The following RBM28 variants were observed in gnomAD, a reference collection of about 807,000 sequenced individuals.
The protein encoded by RBM28 is RNA binding motif protein 28, also known as RNA-binding protein 28.
Under a neutral mutation model 98.3 loss-of-function variants are expected in RBM28, and 78 were observed. That is an observed-to-expected ratio of 0.79 (90% confidence interval 0.66 to 0.96). RBM28 has a LOEUF of 0.96. Among genes scored for constraint, RBM28 ranks in the 40% least tolerant of loss-of-function variants. The pLI, the probability that RBM28 is intolerant of heterozygous loss-of-function variation, is 0.00. For missense variants in RBM28, 838 were observed against 913.0 expected (o/e 0.92, Z 1.06); for synonymous variants, 306 against 330.9 (o/e 0.92, Z 0.82).
chr7:128,338,612 G>A, intron 4 of RBM28, 114 bp downstream of exon 4: 1 of 837,418 alleles, frequency 1.2e-6, no homozygotes, highest in Non-Finnish European at 2.0e-6. Flanking sequence ...CCATTATTTG[G>A]GTTTTCATTA....
At chr7:128,313,109 G>C in intron 18 of RBM28, 66 bp downstream of exon 18, 1 of 1,503,128 alleles carries the variant, frequency 6.7e-7, no homozygotes, top group Non-Finnish European at 9.3e-7. Flanking sequence ...ACTAACCAAG[G>C]TACAAACATG....
intron 9 of RBM28, among the ~76,000 whole-genome samples, chr7:128,332,614 G>A (rs959479494): frequency 2.6e-5 from 4 of 152,042 alleles, no homozygotes; most frequent in Non-Finnish European, 4.4e-5. Context: ...AGCCTCCCAC[G>A]GTGCTGAGAT....
intron 13 of RBM28, 151 bp from the exon 14 acceptor site, chr7:128,321,575 C>G: frequency 3.2e-6 from 3 of 945,596 alleles, no homozygotes; most frequent in Non-Finnish European, 4.9e-6. Flanking sequence ...TTTACAATGC[C>G]TAGTATAGGG....
At chr7:128,317,802 C>A in intron 15 of RBM28, 69 bp from the exon 16 acceptor site, 1 of 1,484,826 alleles carries the variant, frequency 6.7e-7, no homozygotes. Context: ...CTGAGTTTTT[C>A]CCCTTCACAC....
intron 10 of RBM28, among the ~76,000 whole-genome samples, chr7:128,329,888 C>CAAAAAAAAAAAAAAA (rs398006204): frequency 9.8e-6 from 1 of 101,620 alleles, no homozygotes; most frequent in African/African-American, 4.2e-5. Context: ...GACTCCGTCT[C>CAAAAAAAAAAAAAAA]AAAAAAAAAA....
rs1219840838 is a variant in RBM28, at chr7:128,305,383, G to C, written c.*5414C>G. The stretch of plus-strand genomic sequence containing the variant: ...CATTGGAGTCTCTTTCAGTTGAAAA[G>C]TGCATGCAGACAATTGAGTGTCAGA... On this transcript the variant is annotated 3_prime_UTR_variant, in exon 19 of 19. Coordinates refer to ENST00000223073, the MANE Select transcript of RBM28 (RefSeq NM_018077.3). 6.6e-6 allele frequency: 1 copy of C among 152,236 alleles called. No individual in the cohort carries two copies. The highest frequency in any genetic ancestry group is 1.5e-5 in the Non-Finnish European group (1 of 68,082). The allele number at this position is 152,236 out of a possible 1,614,324, so 9.4% of individuals were successfully genotyped here. A position where few individuals can be genotyped will look rare whatever the true frequency, so the allele number is the denominator to read the frequency against.
At chr7:128,323,304 A>G (rs1796275901) in intron 13 of RBM28, among the ~76,000 whole-genome samples, 2 of 152,234 alleles carry the variant, frequency 1.3e-5, no homozygotes, top group Admixed American at 6.5e-5. Flanking sequence ...GAAACAAATA[A>G]TAAGACACAG....
At chr7:128,313,313 T>A in intron 17 of RBM28, 39 bp from the exon 18 acceptor site, 1 of 1,578,350 alleles carries the variant, frequency 6.3e-7, no homozygotes. Context: ...GAGTCCTTCT[T>A]CTAATTTGAC....
At chr7:128,320,769 T>C (rs1406350482) in intron 14 of RBM28, among the ~76,000 whole-genome samples, 3 of 152,268 alleles carry the variant, frequency 2.0e-5, no homozygotes, top group African/African-American at 7.2e-5. Flanking sequence ...CCTTGCATTC[T>C]GCTGTAATTC....
chr7:128,318,160 G>T, intron 14 of RBM28, 54 bp from the exon 15 acceptor site: 1 of 1,513,446 alleles, frequency 6.6e-7, no homozygotes, highest in Non-Finnish European at 9.1e-7. Flanking sequence ...AGACTTGCCT[G>T]ACATGAACTG....
chr7:128,323,298 C>T (rs1224759887), intron 13 of RBM28, among the ~76,000 whole-genome samples: 1 of 152,228 alleles, frequency 6.6e-6, no homozygotes, highest in Admixed American at 6.5e-5. Context: ...ACTAGGGAAA[C>T]AAATAATAAG....
chr7:128,313,100 C>T, intron 18 of RBM28, 75 bp downstream of exon 18: 1 of 1,463,500 alleles, frequency 6.8e-7, no homozygotes, highest in Non-Finnish European at 9.6e-7. Context: ...TTTTGCTCAA[C>T]TAACCAAGGT....
rs1330985880 is a variant in RBM28, at chr7:128,303,652, T to G, written c.*7145A>C. 1 of 152,170 alleles carries G rather than the reference T, an allele frequency of 6.6e-6. No homozygotes were observed. The highest frequency in any genetic ancestry group is 1.9e-4 in the East Asian group (1 of 5,198). The allele number at this position is 152,170 out of a possible 1,614,324, so 9.4% of individuals were successfully genotyped here. On this transcript the variant is annotated 3_prime_UTR_variant, in exon 19 of 19. Coordinates refer to ENST00000223073, the MANE Select transcript of RBM28 (RefSeq NM_018077.3). Reference sequence around the variant, plus strand: ...GCTCCAAATTCCTTCCAACTAAAAGTATCTTTCCATCCCTGTTGGTATAGT... The same window carrying G: ...GCTCCAAATTCCTTCCAACTAAAAGGATCTTTCCATCCCTGTTGGTATAGT...
At position 128,302,276 on chromosome 7, in the gene RBM28, C is replaced by T. The variant is rs1465050107; in HGVS notation, c.*8521G>A. 6.6e-6 allele frequency: 1 copy of T among 152,222 alleles called. No homozygotes were observed. The highest frequency in any genetic ancestry group is 1.5e-5 in the Non-Finnish European group (1 of 68,078). The allele number at this position is 152,222 out of a possible 1,614,324, so 9.4% of individuals were successfully genotyped here. The stretch of plus-strand genomic sequence containing the variant: ...GCTGGTCGCCAGTTGCACCCACACG[C>T]GGCTGGCTGCGGGCAGGAGAGCTGG... On this transcript the variant is annotated 3_prime_UTR_variant, in exon 19 of 19. Transcript: ENST00000223073.
At chr7:128,317,521 T>G in intron 16 of RBM28, 138 bp downstream of exon 16, 1 of 685,204 alleles carries the variant, frequency 1.5e-6, no homozygotes, top group South Asian at 1.6e-5. Flanking sequence ...TGGAGAGGCT[T>G]AGGGAACTGG....
chr7:128,340,028 CTTT>C (rs1189129826), intron 1 of RBM28, among the ~76,000 whole-genome samples: 2 of 152,158 alleles, frequency 1.3e-5, no homozygotes, highest in African/African-American at 4.8e-5. Flanking sequence ...AATTTAGTGT[CTTT>C]GCTGTTAGCT....
At position 128,333,482 on chromosome 7, in the gene RBM28, C is replaced by T. The variant is rs1031004574; in HGVS notation, c.947-120G>A. ...CAGTGGCTCATGCCACTTTGAAAAG[C>T]CCAGGCGGGCTGATCACCTGAGGTC... is the stretch of plus-strand genomic sequence containing the variant. On this transcript the variant is annotated intron_variant, in intron 8 of 18. Transcript: ENST00000223073. The T allele has an allele frequency of 9.9e-6, 8 of 809,662 alleles. No homozygotes were observed. The African/African-American group carries it at 1.0e-4, about 11-fold the overall frequency. The allele number at this position is 809,662 out of a possible 1,614,324, so 50.2% of individuals were successfully genotyped here.
intron 9 of RBM28, among the ~76,000 whole-genome samples, chr7:128,332,490 G>A (rs1796501754): frequency 6.6e-6 from 1 of 151,888 alleles, no homozygotes; most frequent in Admixed American, 6.6e-5. Flanking sequence ...GAGTAGCTGG[G>A]ATTACAGGCA....
intron 9 of RBM28, among the ~76,000 whole-genome samples, chr7:128,332,255 G>A (rs1259686737): frequency 6.6e-6 from 1 of 152,124 alleles, no homozygotes; most frequent in African/African-American, 2.4e-5. Context: ...GGCATGTAGT[G>A]TAGATGTTCT....
Sources: gnomAD v4.1 joint callset for allele counts (sites outside exome capture counted in the v4.1 genomes callset) on GRCh38, gnomAD v4.1.1 for gene constraint, MANE v1.5 for transcripts, NCBI Gene and HGNC (gene_info 2026-07-23, HGNC 2026-07-21) for gene names.